RSPH6A: variants seen among roughly 807,000 people sequenced by gnomAD.
RSPH6A encodes the protein radial spoke head 6 homolog A.
A neutral mutation model predicts 66.1 loss-of-function variants in RSPH6A; 49 were observed. The ratio of observed to expected loss-of-function variants is 0.74; its 90% CI spans 0.59 to 0.94. The LOEUF (loss-of-function observed/expected upper bound fraction) is 0.94. Ranked by LOEUF, RSPH6A falls within the 40% of genes least tolerant of loss-of-function variation. RSPH6A has a pLI of 0.00. For missense variants in RSPH6A, 977 were observed against 948.3 expected, an observed-to-expected ratio of 1.03 and a Z score of -0.40; for synonymous variants, 419 against 402.4, an observed-to-expected ratio of 1.04 and a Z score of -0.49.
rs747157369 is a variant in RSPH6A at position 45,804,709 on chromosome 19, GC to G, written c.1195del (p.Ala399ProfsTer15). 1 of 1,612,456 alleles carries G rather than the reference GC, an allele frequency of 6.2e-7. No individual in the cohort carries two copies. The highest frequency in any genetic ancestry group is 1.4e-5 in the African/African-American group (1 of 73,848). On this transcript the variant is annotated frameshift_variant, in exon 3 of 6. Transcript: ENST00000221538. LOFTEE classifies it high-confidence loss of function. The surrounding 1 kb of genome is among the most constrained non-coding windows in gnomAD (Gnocchi z 5.8). ...EEEGEEDEEK[A>X]VDIVPKSVWK... ...TACGGACTTAGGGACGATGTCCACG[GC>G]CTTCTCCTCGTCCTCCTCGCCCTCC...
rs1444052891 is a variant in RSPH6A, at chr19:45,809,789, T to C, written c.888+814A>G. Among the ~76,000 whole-genome samples, 4 of 152,310 alleles carry C rather than the reference T, an allele frequency of 2.6e-5. No individual in the cohort carries two copies. The East Asian group carries it at 7.7e-4, about 29-fold the overall frequency. ...TGGGGAGCAGATGGTGCAGGTGGCATTTCAAAGCAGTGGGGGGGCAGGAAG... is the reference window on the plus strand; with the variant it reads ...TGGGGAGCAGATGGTGCAGGTGGCACTTCAAAGCAGTGGGGGGGCAGGAAG... On this transcript the variant is annotated intron_variant, in intron 2 of 5. Transcript: ENST00000221538.
Position 45,804,956 on chromosome 19 carries a change from C to A in RSPH6A, c.949G>T (p.Gly317Cys), listed in dbSNP as rs532215300. 11 of 1,613,916 alleles carry A rather than the reference C, an allele frequency of 6.8e-6. No individual in the cohort carries two copies. Among genetic ancestry groups the A allele is most frequent in the Non-Finnish European group, 9.3e-6 (11 of 1,180,032 alleles). The change falls in exon 3 of 6, where the codon GGC (glycine) becomes TGC (cysteine). Residue 317 changes from glycine (G) to cysteine (C), a missense_variant. Physicochemically the swap from Gly to Cys is radical, Grantham distance 159. Coordinates refer to ENST00000221538, the MANE Select transcript of RSPH6A (RefSeq NM_030785.4). This position sits in a 1 kb window ranked among gnomAD's most constrained non-coding sequence, Gnocchi z 5.8. ...CGGAAGCTCTCGTCCGAGCTCAGGC[C>A]GACGCCGGCCTGCTCGAAGTAGAAG... ...TAFYFEQAGV[G>C]LSSDESFRIF...
rs1209765173 is a variant in RSPH6A, at chr19:45,802,223, C to T, written c.1695G>A (p.Glu565=). The T allele has an allele frequency of 6.5e-7, 1 of 1,541,926 alleles. No homozygotes were observed. Among genetic ancestry groups the T allele is most frequent in the Non-Finnish European group, 8.8e-7 (1 of 1,139,652 alleles). ...CTTCCTCCTCCCCCAGGTCCTCCTCCTCCTCTGTCTTCTGCAAAGGGTTCA... is the reference window on the plus strand; with the variant it reads ...CTTCCTCCTCCCCCAGGTCCTCCTCTTCCTCTGTCTTCTGCAAAGGGTTCA... ...TWVNPLQKTE[E]EEDLGEEEEK... Residue 565 remains glutamate, a synonymous_variant, in exon 4 of 6, where the codon GAG becomes GAA. Coordinates refer to ENST00000221538, the MANE Select transcript of RSPH6A (RefSeq NM_030785.4).
intron 1 of RSPH6A, among the ~76,000 whole-genome samples, 192 bp downstream of exon 1, chr19:45,814,335 T>G (rs4514788): frequency 0.26 from 39,426 of 152,094 alleles, 6,023 homozygotes; most frequent in Admixed American, 0.39. Flanking sequence ...ATTAGGTGAG[T>G]GTGTGCAGTG....
chr19:45,811,416 T>A (rs1417861734), intron 1 of RSPH6A, among the ~76,000 whole-genome samples: 2 of 152,040 alleles, frequency 1.3e-5, no homozygotes, highest in African/African-American at 4.8e-5. Context: ...GTGCCAGGGA[T>A]GGGAGAAGGT....
chr19:45,798,707 C>T (rs190212982), intron 5 of RSPH6A, among the ~76,000 whole-genome samples: 2 of 150,950 alleles, frequency 1.3e-5, no homozygotes, highest in South Asian at 2.1e-4. Context: ...GGCATGGTGG[C>T]GAGCACCTGT....
chr19:45,804,884 T>C lies in RSPH6A; in HGVS notation c.1021A>G (p.Thr341Ala). 1 of 1,614,134 alleles carries C rather than the reference T, an allele frequency of 6.2e-7. No individual in the cohort carries two copies. The highest frequency in any genetic ancestry group is 8.5e-7 in the Non-Finnish European group (1 of 1,180,010). ...AGGATCTTGCCCCAGAAGCGACAGGTGTGGATGGGCTGCTGCTCCACCAGC... is the reference window on the plus strand; with the variant it reads ...AGGATCTTGCCCCAGAAGCGACAGGCGTGGATGGGCTGCTGCTCCACCAGC... ...KQLVEQQPIH[T>A]CRFWGKILGI... The change falls in exon 3 of 6, where the codon ACC becomes GCC. Residue 341 changes from threonine to alanine, a missense_variant. Coordinates refer to ENST00000221538, the MANE Select transcript of RSPH6A (RefSeq NM_030785.4). The surrounding 1 kb of genome is among the most constrained non-coding windows in gnomAD (Gnocchi z 5.8).
At chr19:45,799,789 G>A (rs1970447660) in intron 5 of RSPH6A, among the ~76,000 whole-genome samples, 1 of 152,148 alleles carries the variant, frequency 6.6e-6, no homozygotes, top group Admixed American at 6.6e-5. Flanking sequence ...GCTCATGCCT[G>A]TAATCCTAGC....
chr19:45,815,209 A>G lies in RSPH6A; in HGVS notation c.-33T>C. 1 of 1,533,130 alleles carries G rather than the reference A, an allele frequency of 6.5e-7. No individual in the cohort carries two copies. Among genetic ancestry groups the G allele is most frequent in the Non-Finnish European group, 8.7e-7 (1 of 1,145,308 alleles). The allele number at this position is 1,533,130 out of a possible 1,614,324, so 95.0% of individuals were successfully genotyped here. On this transcript the variant is annotated 5_prime_UTR_variant, in exon 1 of 6. Coordinates refer to ENST00000221538, the MANE Select transcript of RSPH6A (RefSeq NM_030785.4). ...CAGGAGGCACAGATCTCTAGGAGAA[A>G]GGCTTGCAGACAAGGAGGCCAAGCG...
chr19:45,800,843 G>A (rs1970465647), intron 4 of RSPH6A, among the ~76,000 whole-genome samples: 1 of 149,898 alleles, frequency 6.7e-6, no homozygotes, highest in Non-Finnish European at 1.5e-5. Flanking sequence ...TGTCACTCAG[G>A]CTGCAGTGCA....
chr19:45,800,906 T>A (rs1970466197), intron 4 of RSPH6A, among the ~76,000 whole-genome samples: 2 of 151,782 alleles, frequency 1.3e-5, no homozygotes, highest in African/African-American at 4.8e-5. Flanking sequence ...CAAACGACTC[T>A]CCTTCCTCAA....
chr19:45,807,342 A>G (rs993111896), intron 2 of RSPH6A, among the ~76,000 whole-genome samples: 1 of 149,126 alleles, frequency 6.7e-6, no homozygotes, highest in African/African-American at 2.5e-5. Flanking sequence ...CAGCCTCCCA[A>G]GTAGCTGGGA....
chr19:45,801,018 G>A (rs1240859101), intron 4 of RSPH6A, among the ~76,000 whole-genome samples: 3 of 151,970 alleles, frequency 2.0e-5, no homozygotes, highest in Non-Finnish European at 4.4e-5. Flanking sequence ...AGCTGGTCTC[G>A]AACTCCTGAC....
At chr19:45,808,811 G>A (rs1038081817) in intron 2 of RSPH6A, among the ~76,000 whole-genome samples, 22 of 149,394 alleles carry the variant, frequency 1.5e-4, no homozygotes, top group Admixed American at 1.4e-3. Context: ...ACAGGTGACC[G>A]CCACCACGCC....
At position 45,814,698 on chromosome 19, in the gene RSPH6A, C is replaced by A. The variant is rs1160639236; in HGVS notation, c.479G>T (p.Gly160Val). The part of the protein sequence containing the change: ...NLYQTDQFSE[G>V]AQHGPYIRDD... ...CCTTATGTAAGGCCCGTGCTGGGCA[C>A]CTTCAGAGAACTGGTCTGTCTGGTA... Residue 160 changes from glycine (G) to valine (V), a missense_variant, in exon 1 of 6, where the codon GGT becomes GTT. By Grantham distance (109) the Gly-to-Val change is moderately radical. Coordinates refer to ENST00000221538, the MANE Select transcript of RSPH6A (RefSeq NM_030785.4). The A allele has an allele frequency of 6.2e-7, 1 of 1,612,692 alleles. No individual in the cohort carries two copies. Among genetic ancestry groups the A allele is most frequent in the Non-Finnish European group, 8.5e-7 (1 of 1,179,360 alleles).
chr19:45,803,081 C>T (rs192812930), intron 3 of RSPH6A, among the ~76,000 whole-genome samples: 12 of 150,648 alleles, frequency 8.0e-5, no homozygotes, highest in Admixed American at 2.6e-4. Context: ...TGGTGGCGGG[C>T]GCCTGTAGTC....
chr19:45,815,235 A>G lies in RSPH6A; in HGVS notation c.-59T>C. ...GGCTTGCAGACAAGGAGGCCAAGCG[A>G]GAGCCACCTGTCGACACCGCCGGTT... On this transcript the variant is annotated 5_prime_UTR_variant, in exon 1 of 6. Transcript: ENST00000221538. 1 of 1,463,212 alleles carries G rather than the reference A, an allele frequency of 6.8e-7. No homozygotes were observed. 90.6% of individuals were successfully genotyped at this position (1,463,212 alleles called of 1,614,324 possible).
rs1275859695 is a variant in RSPH6A at position 45,804,888 on chromosome 19, G to A, written c.1017C>T (p.Ile339=). The A allele has an allele frequency of 6.2e-7, 1 of 1,614,224 alleles. No individual in the cohort carries two copies. Among genetic ancestry groups the A allele is most frequent in the Middle Eastern group, 1.6e-4 (1 of 6,062 alleles). ...TCTTGCCCCAGAAGCGACAGGTGTG[G>A]ATGGGCTGCTGCTCCACCAGCTGTT... ...AMKQLVEQQP[I]HTCRFWGKIL... The change falls in exon 3 of 6, where the codon ATC becomes ATT. Residue 339 remains isoleucine, a synonymous_variant. Coordinates refer to ENST00000221538, the MANE Select transcript of RSPH6A (RefSeq NM_030785.4). The surrounding 1 kb of genome is among the most constrained non-coding windows in gnomAD (Gnocchi z 5.8).
intron 2 of RSPH6A, among the ~76,000 whole-genome samples, chr19:45,808,696 A>G (rs1970579714): frequency 8.8e-6 from 1 of 113,922 alleles, no homozygotes; most frequent in Admixed American, 1.1e-4. Flanking sequence ...GACTCTCACT[A>G]TGTTGCCCAG....
Sources: allele counts gnomAD v4.1 joint callset (sites outside exome capture counted in the v4.1 genomes callset), GRCh38; gene constraint gnomAD v4.1.1; non-coding constraint Gnocchi (gnomAD v3.1); transcripts MANE v1.5; gene names NCBI Gene and HGNC (gene_info 2026-07-23, HGNC 2026-07-21).